Variants in DCLK1 observed in about 807,000 individuals in gnomAD.
DCLK1 encodes the protein serine/threonine-protein kinase DCLK1.
DCLK1 carries 16 observed loss-of-function variants against 86.2 expected under a neutral mutation model. The ratio of observed to expected loss-of-function variants is 0.19; its 90% CI spans 0.13 to 0.28. The LOEUF (loss-of-function observed/expected upper bound fraction) is 0.28, where lower values mean the gene tolerates loss of function less well. Among genes scored for constraint, DCLK1 ranks in the 10% least tolerant of loss-of-function variants. The pLI, the probability that DCLK1 is intolerant of heterozygous loss-of-function variation, is 1.00. For synonymous variants in DCLK1, 369 were observed against 370.5 expected, an observed-to-expected ratio of 1.00 and a Z score of 0.05; for missense variants, 590 against 940.2, an observed-to-expected ratio of 0.63 and a Z score of 4.87.
At chr13:36,059,100 C>A (rs543422523) in intron 3 of DCLK1, among the ~76,000 whole-genome samples, 1 of 152,238 alleles carries the variant, frequency 6.6e-6, no homozygotes, top group Admixed American at 6.5e-5. Flanking sequence ...AATCAGATGG[C>A]AAATCATGCT....
chr13:36,084,356 T>C (rs1884524003), intron 3 of DCLK1, among the ~76,000 whole-genome samples: 1 of 152,212 alleles, frequency 6.6e-6, no homozygotes, highest in African/African-American at 2.4e-5. Context: ...ATTTTTCAAA[T>C]GACTGACGTA....
chr13:35,964,941 G>A lies in DCLK1; in HGVS notation c.724-17484C>T, dbSNP rs117171316. ...GCAGCTTTCCAGATACAAAGACAGA[G>A]TTGAGTAGTTGCAACAGAGATCATA... On this transcript the variant is annotated intron_variant, in intron 3 of 16. Coordinates refer to ENST00000360631, the MANE Select transcript of DCLK1 (RefSeq NM_001330071.2). 2.9e-3 allele frequency among the ~76,000 whole-genome samples: 444 copies of A among 152,280 alleles called. 17 individuals are homozygous for A. The East Asian group carries it at 0.062, about 21-fold the overall frequency.
At chr13:35,912,214 A>G (rs1875082482) in intron 4 of DCLK1, among the ~76,000 whole-genome samples, 1 of 152,134 alleles carries the variant, frequency 6.6e-6, no homozygotes, top group Non-Finnish European at 1.5e-5. Context: ...ACTCCAAGTG[A>G]TAGCGGCAGG....
At chr13:35,856,051 T>C (rs1206299956) in intron 5 of DCLK1, among the ~76,000 whole-genome samples, 4 of 152,204 alleles carry the variant, frequency 2.6e-5, no homozygotes, top group African/African-American at 9.7e-5. Flanking sequence ...AAGCTCCTTG[T>C]TTTGTCATCT....
At chr13:36,091,487 C>T (rs1327713956) in intron 3 of DCLK1, among the ~76,000 whole-genome samples, 1 of 152,166 alleles carries the variant, frequency 6.6e-6, no homozygotes, top group Non-Finnish European at 1.5e-5. Flanking sequence ...CACGTAAGGG[C>T]TTGTTATGTG....
intron 6 of DCLK1, among the ~76,000 whole-genome samples, chr13:35,841,541 A>T (rs374038998): frequency 1.1e-4 from 16 of 152,206 alleles, no homozygotes; most frequent in African/African-American, 3.6e-4. Context: ...AGGAAAAAAA[A>T]GTAGGGTTAA....
intron 4 of DCLK1, among the ~76,000 whole-genome samples, chr13:35,937,269 G>A (rs1054283520): frequency 5.3e-5 from 8 of 151,922 alleles, no homozygotes; most frequent in Non-Finnish European, 8.8e-5. Context: ...CACCGCACCC[G>A]GTCCCAGAAA....
At chr13:35,856,590 G>C (rs868408662) in intron 5 of DCLK1, among the ~76,000 whole-genome samples, 5 of 152,134 alleles carry the variant, frequency 3.3e-5, no homozygotes, top group Non-Finnish European at 7.4e-5. Context: ...TGAAGAAAAA[G>C]AGACAAAGGG....
chr13:36,122,712 T>A (rs182347459), intron 2 of DCLK1, among the ~76,000 whole-genome samples: 2,328 of 152,212 alleles, frequency 0.015, 21 homozygotes, highest in Non-Finnish European at 0.026. Flanking sequence ...ATGATTTTTT[T>A]AAAAAAACAT....
chr13:35,945,380 G>A (rs572578415), intron 4 of DCLK1, among the ~76,000 whole-genome samples: 13 of 152,244 alleles, frequency 8.5e-5, no homozygotes, highest in South Asian at 6.2e-4. Flanking sequence ...TGGCTGTTGC[G>A]GAGGGGAAGC....
intron 4 of DCLK1, among the ~76,000 whole-genome samples, chr13:35,918,892 G>GTTTTGTTTTTTTTTTTTTTT (rs1875602662): frequency 2.6e-5 from 2 of 76,310 alleles, no homozygotes; most frequent in Non-Finnish European, 4.9e-5. Flanking sequence ...TTCTGAGTGT[G>GTTTTGTTTTTTTTTTTTTTT]TTTTTTTTTT....
At position 36,118,308 on chromosome 13, in the gene DCLK1, C is replaced by T. The variant is rs550388755; in HGVS notation, c.377-6093G>A. Among the ~76,000 whole-genome samples the T allele has an allele frequency of 3.4e-4, 51 of 152,052 alleles. 1 individual carries two copies. The highest frequency in any genetic ancestry group is 1.9e-3 in the Admixed American group (29 of 15,270). ...AGGAGAGGAGGTGAACTGAATGTTA[C>T]GTATCCACACTAGGGACAGAGGAGT... On this transcript the variant is annotated intron_variant, in intron 2 of 16. Transcript: ENST00000360631.
intron 1 of DCLK1, among the ~76,000 whole-genome samples, chr13:36,127,561 T>C (rs1446665877): frequency 6.6e-6 from 1 of 152,206 alleles, no homozygotes; most frequent in Non-Finnish European, 1.5e-5. Context: ...TATTAACTAT[T>C]AAATAAATTC....
At chr13:35,864,655 T>TC (rs926092127) in intron 5 of DCLK1, among the ~76,000 whole-genome samples, 15 of 89,990 alleles carry the variant, frequency 1.7e-4, no homozygotes, top group East Asian at 6.4e-4. Context: ...TTCTTCTCTC[T>TC]TTTTTTTTTT....
At chr13:35,906,713 G>A (rs1874707957) in intron 4 of DCLK1, among the ~76,000 whole-genome samples, 1 of 152,124 alleles carries the variant, frequency 6.6e-6, no homozygotes, top group Admixed American at 6.5e-5. Context: ...ACTGGCTCAG[G>A]GGAAATCACT....
chr13:35,864,760 A>G (rs1871668709), intron 5 of DCLK1, among the ~76,000 whole-genome samples: 1 of 149,168 alleles, frequency 6.7e-6, no homozygotes. Flanking sequence ...TCAAGACTTC[A>G]TGTCACCTCA....
intron 1 of DCLK1, among the ~76,000 whole-genome samples, chr13:36,130,772 C>T (rs138803334): frequency 5.2e-4 from 79 of 152,328 alleles, no homozygotes; most frequent in Middle Eastern, 3.4e-3. Context: ...CAATGACAAG[C>T]ACCTCTCCCA....
rs748779315 is a variant in DCLK1, at chr13:35,947,346, T to C, written c.823+12A>G. 3.1e-6 allele frequency: 5 copies of C among 1,612,414 alleles called. No homozygotes were observed. The highest frequency in any genetic ancestry group is 4.2e-6 in the Non-Finnish European group (5 of 1,178,872). On this transcript the variant is annotated intron_variant, in intron 4 of 16. Coordinates refer to ENST00000360631, the MANE Select transcript of DCLK1 (RefSeq NM_001330071.2). ...CAAATTTCCCCTGGTTTTGAACTTT[T>C]TTTTTCCTTACCACTTTCATCTAGC...
chr13:35,815,998 G>A (rs1361665467), intron 11 of DCLK1, among the ~76,000 whole-genome samples: 3 of 152,056 alleles, frequency 2.0e-5, no homozygotes, highest in Admixed American at 1.3e-4. Context: ...AGAAGTGAAC[G>A]GAAACTCCAG....
Sources: allele counts gnomAD v4.1 joint callset (sites outside exome capture counted in the v4.1 genomes callset), GRCh38; gene constraint gnomAD v4.1.1; transcripts MANE v1.5; gene names NCBI Gene and HGNC (gene_info 2026-07-23, HGNC 2026-07-21).